The following COL23A1 variants were observed in gnomAD, a reference collection of about 807,000 sequenced individuals.
COL23A1 encodes collagen alpha-1(XXIII) chain.
COL23A1 carries 97 observed loss-of-function variants against 99.3 expected under a neutral mutation model. That is an observed-to-expected ratio of 0.98 (90% CI 0.83 to 1.16). COL23A1 has a LOEUF of 1.16. Among genes scored for constraint, COL23A1 ranks in the 50% most tolerant of loss-of-function variants. The probability of loss-of-function intolerance (pLI) is 0.00; values close to 1 mark genes in which losing one functional copy is unlikely to be tolerated. For synonymous variants in COL23A1, 320 were observed against 308.2 expected (o/e 1.04, Z -0.40); for missense variants, 762 against 757.4 (o/e 1.01, Z -0.07).
intron 19 of COL23A1, among the ~76,000 whole-genome samples, 176 bp downstream of exon 19, chr5:178,248,941 C>T (rs886167689): frequency 1.8e-4 from 27 of 152,302 alleles, no homozygotes; most frequent in Non-Finnish European, 2.9e-4. Context: ...AAGTGGAGGC[C>T]GGGAGAGAGG....
Position 178,310,277 on chromosome 5 carries a change from G to A in COL23A1, c.362-3358C>T, listed in dbSNP as rs1251261729. The stretch of plus-strand genomic sequence containing the variant: ...TGGATTGCAGGAGCCGCAGGAGTGG[G>A]GGCAGGACGGACGGCCTCTCCTGAG... On this transcript the variant is annotated intron_variant, in intron 2 of 28. Transcript: ENST00000390654. The surrounding 1 kb of genome is among the most constrained non-coding windows in gnomAD (Gnocchi z 4.3). Among the ~76,000 whole-genome samples, 1 of 152,178 alleles carries A rather than the reference G, an allele frequency of 6.6e-6. No individual in the cohort carries two copies. Among genetic ancestry groups the A allele is most frequent in the African/African-American group, 2.4e-5 (1 of 41,440 alleles).
At chr5:178,337,612 G>A (rs1349688355) in intron 2 of COL23A1, among the ~76,000 whole-genome samples, 2 of 152,038 alleles carry the variant, frequency 1.3e-5, no homozygotes, top group Admixed American at 6.6e-5. Flanking sequence ...GGGCTCTGCC[G>A]GGCTGGGGGA....
intron 2 of COL23A1, among the ~76,000 whole-genome samples, chr5:178,334,740 G>A (rs1284155438): frequency 6.6e-6 from 1 of 152,170 alleles, no homozygotes; most frequent in Non-Finnish European, 1.5e-5. Flanking sequence ...ACGAACCAAG[G>A]GACTGGTGTA....
At chr5:178,373,294 G>A (rs558280613) in intron 2 of COL23A1, among the ~76,000 whole-genome samples, 1 of 152,354 alleles carries the variant, frequency 6.6e-6, no homozygotes, top group Non-Finnish European at 1.5e-5. Context: ...GGTTGCCATG[G>A]CTGTGAGATG....
intron 2 of COL23A1, among the ~76,000 whole-genome samples, chr5:178,549,191 A>G (rs1761876616): frequency 1.3e-5 from 2 of 151,934 alleles, no homozygotes; most frequent in Non-Finnish European, 2.9e-5. Flanking sequence ...ACGGGGTTTC[A>G]CCATGTTGGT....
At chr5:178,487,846 G>A (rs1028459911) in intron 2 of COL23A1, among the ~76,000 whole-genome samples, 1 of 152,224 alleles carries the variant, frequency 6.6e-6, no homozygotes, top group Non-Finnish European at 1.5e-5. Flanking sequence ...GAAGACAAGA[G>A]CCACATTTGA....
chr5:178,581,501 G>T (rs1482093186), intron 1 of COL23A1, among the ~76,000 whole-genome samples: 1 of 151,742 alleles, frequency 6.6e-6, no homozygotes, highest in Non-Finnish European at 1.5e-5. Context: ...GGGAGACAGA[G>T]GTTGCAGTGA....
In COL23A1 at chr5:178,324,067, C is replaced by T. The variant is rs1240058609; in HGVS notation, c.362-17148G>A. On this transcript the variant is annotated intron_variant, in intron 2 of 28. Coordinates refer to ENST00000390654, the MANE Select transcript of COL23A1 (RefSeq NM_173465.4). The stretch of plus-strand genomic sequence containing the variant: ...CATTGTCCAGTCAGAGGTCCCTGGG[C>T]GGCCCTGGACACAAGCAGCTCCTTT... Among the ~76,000 whole-genome samples the T allele has an allele frequency of 1.2e-4, 19 of 152,048 alleles. 1 individual carries two copies. The highest frequency in any genetic ancestry group is 9.8e-4 in the Admixed American group (15 of 15,276).
chr5:178,467,972 C>T (rs2127922483), intron 2 of COL23A1, among the ~76,000 whole-genome samples: 1 of 152,306 alleles, frequency 6.6e-6, no homozygotes, highest in East Asian at 1.9e-4. Context: ...AGCCTTTCTC[C>T]TGACACCACT....
intron 2 of COL23A1, among the ~76,000 whole-genome samples, chr5:178,325,278 T>C (rs1297583835): frequency 6.6e-6 from 1 of 152,196 alleles, no homozygotes; most frequent in Admixed American, 6.5e-5. Flanking sequence ...GATCGGATCA[T>C]GCCACTTCCC....
rs536427484 is a variant in COL23A1, at chr5:178,306,631, C to T, written c.406+244G>A. ...GGGACTAGGGGCCAACAACGAGGTT[C>T]GGGGGATGACTGGGGGCAGAGGGGA... On this transcript the variant is annotated intron_variant, in intron 3 of 28. Coordinates refer to ENST00000390654, the MANE Select transcript of COL23A1 (RefSeq NM_173465.4). This position sits in a 1 kb window ranked among gnomAD's most constrained non-coding sequence, Gnocchi z 4.1. 5.9e-4 allele frequency among the ~76,000 whole-genome samples: 39 copies of T among 66,640 alleles called. 2 individuals are homozygous for T. The highest frequency in any genetic ancestry group is 1.8e-3 in the African/African-American group (29 of 16,278). The allele number at this position is 66,640 out of a possible 152,430, so 43.7% of individuals were successfully genotyped here.
rs747408238 is a variant in COL23A1 at position 178,242,303 on chromosome 5, C to T, written c.1494+38G>A. 7 of 1,606,312 alleles carry T rather than the reference C, an allele frequency of 4.4e-6. No homozygotes were observed. The Admixed American group carries it at 6.7e-5, about 15-fold the overall frequency. ...TCCACTCCCACCTGCCTCCTTCCCCCTCTCCTCCTGCCCCAGCTCCCGTCC... is the reference window on the plus strand; with the variant it reads ...TCCACTCCCACCTGCCTCCTTCCCCTTCTCCTCCTGCCCCAGCTCCCGTCC... On this transcript the variant is annotated intron_variant, in intron 26 of 28. Coordinates refer to ENST00000390654, the MANE Select transcript of COL23A1 (RefSeq NM_173465.4).
rs58171276 is a variant in COL23A1 at position 178,364,367 on chromosome 5, T to C, written c.362-57448A>G. 3.0e-3 allele frequency among the ~76,000 whole-genome samples: 350 copies of C among 115,968 alleles called. 2 individuals carry two copies. Among genetic ancestry groups the C allele is most frequent in the African/African-American group, 0.011 (335 of 31,646 alleles). 76.1% of individuals were successfully genotyped at this position (115,968 alleles called of 152,430 possible). ...AGGTTTTGAATCTCTTGGTTTGGGA[T>C]TGGCAGCTCCAGGCCCCCAGGAGGG... is the stretch of plus-strand genomic sequence containing the variant. On this transcript the variant is annotated intron_variant, in intron 2 of 28. Transcript: ENST00000390654.
At chr5:178,577,506 G>C (rs1291402765) in intron 1 of COL23A1, among the ~76,000 whole-genome samples, 1 of 152,250 alleles carries the variant, frequency 6.6e-6, no homozygotes, top group Non-Finnish European at 1.5e-5. Flanking sequence ...CACTCACCGA[G>C]GACAGGACCC....
Position 178,340,709 on chromosome 5 carries a change from G to T in COL23A1, c.362-33790C>A, listed in dbSNP as rs1266713111. On this transcript the variant is annotated intron_variant, in intron 2 of 28. Transcript: ENST00000390654. This position sits in a 1 kb window ranked among gnomAD's most constrained non-coding sequence, Gnocchi z 4.7. ...TGGACACCGGGGATTCTAGTCCTCG[G>T]CCCTCCCAGGGGCAGTGAGGGAGTC... Among the ~76,000 whole-genome samples the T allele has an allele frequency of 6.6e-6, 1 of 152,206 alleles. No individual in the cohort carries two copies. Among genetic ancestry groups the T allele is most frequent in the Non-Finnish European group, 1.5e-5 (1 of 68,024 alleles).
At chr5:178,300,501 AT>A (rs1293393788) in intron 3 of COL23A1, among the ~76,000 whole-genome samples, 1 of 151,568 alleles carries the variant, frequency 6.6e-6, no homozygotes, top group African/African-American at 2.4e-5. Flanking sequence ...TGTTAATATT[AT>A]TGAGCATCCC....
chr5:178,549,210 T>C (rs1034614351), intron 2 of COL23A1, among the ~76,000 whole-genome samples: 3 of 151,854 alleles, frequency 2.0e-5, no homozygotes, highest in Non-Finnish European at 4.4e-5. Context: ...GTCAGGCTGG[T>C]CTCGAACTCC....
chr5:178,470,451 T>G (rs1182411378), intron 2 of COL23A1, among the ~76,000 whole-genome samples: 1 of 151,914 alleles, frequency 6.6e-6, no homozygotes, highest in African/African-American at 2.4e-5. Context: ...ACCCAGGACG[T>G]GAGGACTCCC....
intron 2 of COL23A1, among the ~76,000 whole-genome samples, chr5:178,414,149 C>T (rs576518615): frequency 6.6e-6 from 1 of 152,328 alleles, no homozygotes; most frequent in African/African-American, 2.4e-5. Context: ...CTGTCACGCT[C>T]TCCTCTGTTG....
Sources: allele counts gnomAD v4.1 joint callset (sites outside exome capture counted in the v4.1 genomes callset), GRCh38; gene constraint gnomAD v4.1.1; non-coding constraint Gnocchi (gnomAD v3.1); transcripts MANE v1.5; gene names NCBI Gene and HGNC (gene_info 2026-07-23, HGNC 2026-07-21).